DDX43: variants seen among roughly 807,000 people sequenced by gnomAD.
DDX43 encodes DEAD-box helicase 43.
DDX43 carries 50 observed loss-of-function variants against 84.9 expected under a neutral mutation model. The ratio of observed to expected loss-of-function variants is 0.59; its 90% confidence interval spans 0.47 to 0.75. The LOEUF is 0.75. DDX43 is among the 30% of genes least tolerant of loss of function. The pLI is 0.00. For missense variants in DDX43, 689 were observed against 798.6 expected (o/e 0.86, Z 1.65); for synonymous variants, 291 against 266.3 (o/e 1.09, Z -0.90).
intron 10 of DDX43, among the ~76,000 whole-genome samples, chr6:73,411,175 CAAAAAAAAA>C (rs34679802): frequency 6.1e-5 from 3 of 49,302 alleles, no homozygotes; most frequent in Non-Finnish European, 7.9e-5. Context: ...GACTCCATCT[CAAAAAAAAA>C]AAAAAAAAAA....
chr6:73,416,771 T>C (rs538820974), intron 16 of DDX43, among the ~76,000 whole-genome samples: 2 of 152,326 alleles, frequency 1.3e-5, no homozygotes, highest in East Asian at 3.9e-4. Flanking sequence ...ACACAGTGGC[T>C]CACGCTTTTA....
rs759953066 is a variant in DDX43, at chr6:73,395,144, G to T, written c.239G>T (p.Gly80Val). Residue 80 changes from glycine (G) to valine (V), a missense_variant, in exon 1 of 17, where the codon GGC becomes GTC. By Grantham distance (109) the Gly-to-Val change is moderately radical (BLOSUM62 -3). Around this residue, in one of 2 missense-constraint regions of DDX43, gnomAD observed 137 missense variants for 105.9 expected, o/e 1.29. Coordinates refer to ENST00000370336, the MANE Select transcript of DDX43 (RefSeq NM_018665.3). ...TTTGCTTTGAAGAGCCACTTTGTTG[G>T]CGCGGTAATCGGTGAGAATGGGAGT... ...LCFALKSHFV[G>V]AVIGRGGSKI... The T allele has an allele frequency of 1.2e-6, 2 of 1,612,556 alleles. No individual in the cohort carries two copies. The highest frequency in any genetic ancestry group is 2.2e-5 in the East Asian group (1 of 44,814).
intron 7 of DDX43, 49 bp from the exon 8 acceptor site, chr6:73,407,456 C>T (rs756023733): frequency 8.9e-6 from 11 of 1,236,564 alleles, no homozygotes; most frequent in African/African-American, 6.0e-5. Flanking sequence ...ATAAATGTAC[C>T]GTGCATCTGA....
chr6:73,406,588 C>T, intron 7 of DDX43, 106 bp downstream of exon 7: 1 of 682,726 alleles, frequency 1.5e-6, no homozygotes. Context: ...AAGGTAATGC[C>T]TAGCTTCAGA....
intron 8 of DDX43, 121 bp downstream of exon 8, chr6:73,407,736 G>A: frequency 2.4e-6 from 2 of 827,930 alleles, no homozygotes; most frequent in Non-Finnish European, 3.9e-6. Context: ...CATGGGTCAG[G>A]CATTTAGCAC....
intron 1 of DDX43, among the ~76,000 whole-genome samples, chr6:73,396,845 C>T (rs1769483904): frequency 6.6e-6 from 1 of 152,180 alleles, no homozygotes; most frequent in African/African-American, 2.4e-5. Flanking sequence ...TGGCTCATTT[C>T]TCTAAGAATA....
At chr6:73,406,088 A>G (rs914472876) in intron 6 of DDX43, among the ~76,000 whole-genome samples, 2 of 151,618 alleles carry the variant, frequency 1.3e-5, no homozygotes, top group Non-Finnish European at 2.9e-5. Context: ...CAGTGGTGCA[A>G]TCTCGGCTCA....
Position 73,412,078 on chromosome 6 carries a change from T to C in DDX43, c.1281-127T>C. On this transcript the variant is annotated intron_variant, in intron 10 of 16. Coordinates refer to ENST00000370336, the MANE Select transcript of DDX43 (RefSeq NM_018665.3). ...TAATTAGTGAATTAACTGTTAAATT[T>C]GCCTTACTTATTGAAAAAATAAGTA... 5.9e-6 allele frequency: 4 copies of C among 679,828 alleles called. No homozygotes were observed. The South Asian group carries it at 7.6e-5, about 13-fold the overall frequency. 42.1% of individuals were successfully genotyped at this position (679,828 alleles called of 1,614,324 possible). A position where few individuals can be genotyped will look rare whatever the true frequency, so the allele number is the denominator to read the frequency against.
chr6:73,405,555 CCCTG>C (rs1409035677), intron 5 of DDX43, 120 bp from the exon 6 acceptor site: 7 of 877,880 alleles, frequency 8.0e-6, no homozygotes, highest in Non-Finnish European at 1.2e-5. Context: ...ATTATAACTT[CCCTG>C]ACAGTCTCAT....
intron 13 of DDX43, 79 bp downstream of exon 13, chr6:73,414,158 GA>G (rs1278328570): frequency 2.4e-6 from 2 of 828,052 alleles, no homozygotes; most frequent in African/African-American, 3.4e-5. Flanking sequence ...ATCTTTTCAT[GA>G]AACCCATTTA....
intron 7 of DDX43, 149 bp downstream of exon 7, chr6:73,406,631 C>A: frequency 1.8e-6 from 1 of 565,810 alleles, no homozygotes; most frequent in Non-Finnish European, 3.1e-6. Context: ...TTAGATTGTG[C>A]TGGTGAAAGT....
At position 73,406,493 on chromosome 6, in the gene DDX43, C is replaced by G; in HGVS notation, c.926+11C>G. On this transcript the variant is annotated intron_variant, in intron 7 of 16. Transcript: ENST00000370336. The stretch of plus-strand genomic sequence containing the variant: ...GGTCCTTCAACCCAGGTAAGAATTC[C>G]TATGGCTGGTTTCTTCTTATAGAGG... 1.3e-6 allele frequency: 2 copies of G among 1,536,636 alleles called. No individual in the cohort carries two copies. The highest frequency in any genetic ancestry group is 1.8e-6 in the Non-Finnish European group (2 of 1,111,768).
intron 2 of DDX43, among the ~76,000 whole-genome samples, chr6:73,398,551 C>T (rs1241002443): frequency 2.0e-5 from 3 of 151,376 alleles, no homozygotes; most frequent in African/African-American, 4.9e-5. Flanking sequence ...CAGGCCCAGT[C>T]GGAGGTAAAA....
chr6:73,404,501 A>G (rs991489189), intron 4 of DDX43, among the ~76,000 whole-genome samples, 189 bp from the exon 5 acceptor site: 22 of 152,174 alleles, frequency 1.4e-4, no homozygotes, highest in African/African-American at 5.1e-4. Flanking sequence ...TTAGAGGTGT[A>G]AGCTACTGTG....
intron 10 of DDX43, 105 bp downstream of exon 10, chr6:73,409,453 A>T: frequency 1.1e-6 from 1 of 912,216 alleles, no homozygotes; most frequent in Non-Finnish European, 1.8e-6. Flanking sequence ...GGAAGTGTTG[A>T]AATCTTTAGG....
chr6:73,407,990 T>A lies in DDX43; in HGVS notation c.1068T>A (p.Asp356Glu), dbSNP rs748777346. ...SVCVYGGGNR[D>E]EQIEELKKGV... is the part of the protein sequence containing the mutation. ...GTGTATATGGTGGTGGAAATAGAGATGAACAAATAGAAGAGCTTAAAAAAG... is the reference window on the plus strand; with the variant it reads ...GTGTATATGGTGGTGGAAATAGAGAAGAACAAATAGAAGAGCTTAAAAAAG... Residue 356 changes from aspartate to glutamate, a missense_variant, in exon 9 of 17, where the codon GAT becomes GAA. Asp to Glu is a conservative substitution (Grantham distance 45). Around this residue, in one of 2 missense-constraint regions of DDX43, gnomAD observed 552 missense variants for 692.7 expected, o/e 0.80. Coordinates refer to ENST00000370336, the MANE Select transcript of DDX43 (RefSeq NM_018665.3). 2.5e-6 allele frequency: 4 copies of A among 1,613,754 alleles called. No homozygotes were observed. Among genetic ancestry groups the A allele is most frequent in the Non-Finnish European group, 1.7e-6 (2 of 1,179,718 alleles).
At chr6:73,407,415 G>T in intron 7 of DDX43, 90 bp from the exon 8 acceptor site, 1 of 912,454 alleles carries the variant, frequency 1.1e-6, no homozygotes, top group Non-Finnish European at 1.8e-6. Context: ...CACCACGTCT[G>T]GCTTGTTGCT....
Position 73,397,789 on chromosome 6 carries a change from T to C in DDX43, c.306+45T>C, listed in dbSNP as rs546508514. 44 of 1,535,192 alleles carry C rather than the reference T, an allele frequency of 2.9e-5. 1 individual carries two copies. In the South Asian group the frequency reaches 4.6e-4, roughly 16 times the overall value. On this transcript the variant is annotated intron_variant, in intron 2 of 16. Transcript: ENST00000370336. ...CGGCCCTTAAGAGAGCATCATGCAT[T>C]TCTAAGGGAGCACCTAACTCTACTT...
rs189082320 is a variant in DDX43 at position 73,401,933 on chromosome 6, A to T, written c.511A>T (p.Ile171Leu). 5.0e-6 allele frequency: 8 copies of T among 1,614,118 alleles called. No homozygotes were observed. Among genetic ancestry groups the T allele is most frequent in the Non-Finnish European group, 5.1e-6 (6 of 1,180,016 alleles). ...NNVVAGDRPL[I>L]DWDQIREEGL... ...TGTTGTTGCAGGAGATCGGCCATTG[A>T]TAGATTGGGATCAAATTAGAGAGGA... is the stretch of plus-strand genomic sequence containing the variant. The change falls in exon 4 of 17, where the codon ATA becomes TTA. Residue 171 changes from isoleucine (I) to leucine (L), a missense_variant. Physicochemically the swap from Ile to Leu is conservative, Grantham distance 5 (BLOSUM62 2). Coordinates refer to ENST00000370336, the MANE Select transcript of DDX43 (RefSeq NM_018665.3).
Sources: allele counts gnomAD v4.1 joint callset (sites outside exome capture counted in the v4.1 genomes callset), GRCh38; gene constraint gnomAD v4.1.1; regional missense constraint gnomAD v4.1.1; transcripts MANE v1.5; gene names NCBI Gene and HGNC (gene_info 2026-07-23, HGNC 2026-07-21).